PI4K2B: variants seen among roughly 807,000 people sequenced by gnomAD.
PI4K2B encodes phosphatidylinositol 4-kinase type 2-beta.
In PI4K2B, 46 loss-of-function variants were observed where a neutral mutation model predicts 56.6. The observed-to-expected ratio is 0.81, with a 90% CI of 0.64 to 1.04. The LOEUF is 1.04. PI4K2B is among the 50% of genes least tolerant of loss of function. The pLI, the probability that PI4K2B is intolerant of heterozygous loss-of-function variation, is 0.00. For missense variants in PI4K2B, 556 were observed against 607.7 expected (o/e 0.91, Z 0.89); for synonymous variants, 211 against 223.8 (o/e 0.94, Z 0.51).
chr4:25,234,121 C>T lies in PI4K2B; in HGVS notation c.-43C>T. On this transcript the variant is annotated 5_prime_UTR_variant, in exon 1 of 10. Transcript: ENST00000264864. ...GCAGAGCCCAGTCTCTGGCACCTGG[C>T]TGCTCTGATCTGGTCTCAGCGCGGA... The T allele has an allele frequency of 7.9e-7, 1 of 1,269,346 alleles. No homozygotes were observed. The highest frequency in any genetic ancestry group is 1.0e-6 in the Non-Finnish European group (1 of 1,003,850). The allele number at this position is 1,269,346 out of a possible 1,614,324, so 78.6% of individuals were successfully genotyped here.
intron 1 of PI4K2B, chr4:25,250,404 A>G (rs1716004218): frequency 6.6e-6 from 1 of 152,296 alleles, no homozygotes; most frequent in Non-Finnish European, 1.5e-5. Context: ...ATGAGAACAC[A>G]CAGACACATA....
chr4:25,254,883 T>C (rs536949681), intron 2 of PI4K2B, among the ~76,000 whole-genome samples, 182 bp from the exon 3 acceptor site: 2 of 152,270 alleles, frequency 1.3e-5, no homozygotes, highest in South Asian at 2.1e-4. Flanking sequence ...AGAATGAATA[T>C]GAAAATGTGA....
chr4:25,235,934 G>A (rs1439811861), intron 1 of PI4K2B, among the ~76,000 whole-genome samples: 1 of 151,960 alleles, frequency 6.6e-6, no homozygotes, highest in Non-Finnish European at 1.5e-5. Flanking sequence ...CAGGAGAATA[G>A]CTTGAGGCTG....
At chr4:25,268,808 C>T (rs1716759332) in intron 8 of PI4K2B, among the ~76,000 whole-genome samples, 1 of 152,088 alleles carries the variant, frequency 6.6e-6, no homozygotes, top group South Asian at 2.1e-4. Context: ...TTGCTGTTTT[C>T]TTCAAAAGTT....
At chr4:25,238,070 G>C (rs940610555) in intron 1 of PI4K2B, among the ~76,000 whole-genome samples, 2 of 152,130 alleles carry the variant, frequency 1.3e-5, no homozygotes, top group Non-Finnish European at 2.9e-5. Context: ...ATTCATGGTG[G>C]TTTATAAATA....
chr4:25,248,995 T>C lies in PI4K2B; in HGVS notation c.269-3326T>C, dbSNP rs182797679. ...TGTTTGTGTCTCTGGGTACTTGAGA[T>C]TAGGGAGTGGTGATGACTCTTAACG... On this transcript the variant is annotated intron_variant, in intron 1 of 9. Coordinates refer to ENST00000264864, the MANE Select transcript of PI4K2B (RefSeq NM_018323.4). 3.0e-4 allele frequency among the ~76,000 whole-genome samples: 45 copies of C among 152,202 alleles called. No homozygotes were observed. In the East Asian group the frequency reaches 7.0e-3, roughly 24 times the overall value.
At chr4:25,268,712 T>C in intron 8 of PI4K2B, 136 bp downstream of exon 8, 1 of 595,308 alleles carries the variant, frequency 1.7e-6, no homozygotes, top group Non-Finnish European at 2.8e-6. Context: ...AGAGAGGAAT[T>C]AGCAGTTTTA....
At chr4:25,245,504 A>G (rs1715725872) in intron 1 of PI4K2B, among the ~76,000 whole-genome samples, 1 of 152,152 alleles carries the variant, frequency 6.6e-6, no homozygotes, top group Non-Finnish European at 1.5e-5. Flanking sequence ...CCCTCGGCTC[A>G]GCCCAAAAGT....
At chr4:25,263,609 G>A (rs1716558497) in intron 6 of PI4K2B, 141 bp from the exon 7 acceptor site, 1 of 443,398 alleles carries the variant, frequency 2.3e-6, no homozygotes, top group South Asian at 5.5e-5. Context: ...GTGTGAATTT[G>A]TACTTTTTCT....
chr4:25,258,230 G>A (rs2109016687), intron 4 of PI4K2B, among the ~76,000 whole-genome samples: 1 of 38,290 alleles, frequency 2.6e-5, no homozygotes, highest in South Asian at 5.9e-4. Flanking sequence ...TTTTTTTTGA[G>A]ACAGTCTCGC....
At chr4:25,261,127 A>G (rs34789409) in intron 6 of PI4K2B, among the ~76,000 whole-genome samples, 5,645 of 151,954 alleles carry the variant, frequency 0.037, 259 homozygotes, top group East Asian at 0.16. Context: ...GAATCCCCAT[A>G]TTTTGCTTTT....
chr4:25,235,682 G>T (rs13129976), intron 1 of PI4K2B, among the ~76,000 whole-genome samples: 6,435 of 152,244 alleles, frequency 0.042, 192 homozygotes, highest in East Asian at 0.15. Context: ...GGCAATTTGG[G>T]TATATGTTAC....
intron 4 of PI4K2B, among the ~76,000 whole-genome samples, chr4:25,258,233 A>T (rs1461418669): frequency 2.5e-5 from 1 of 39,738 alleles, no homozygotes; most frequent in Non-Finnish European, 8.7e-5. Flanking sequence ...TTTTTGAGAC[A>T]GTCTCGCTGT....
chr4:25,246,955 T>C (rs1270348659), intron 1 of PI4K2B, among the ~76,000 whole-genome samples: 2 of 152,238 alleles, frequency 1.3e-5, no homozygotes, highest in African/African-American at 4.8e-5. Context: ...TGCGCTGGCC[T>C]GCAAGCGCCG....
chr4:25,235,776 A>G (rs1715236422), intron 1 of PI4K2B, among the ~76,000 whole-genome samples: 1 of 152,146 alleles, frequency 6.6e-6, no homozygotes, highest in African/African-American at 2.4e-5. Context: ...TGGGTTTTTA[A>G]AAGAGCCTAA....
intron 9 of PI4K2B, among the ~76,000 whole-genome samples, chr4:25,272,837 T>C (rs938915007): frequency 1.2e-4 from 18 of 151,856 alleles, no homozygotes; most frequent in Admixed American, 6.6e-5. Context: ...CACTCCAGCC[T>C]GGGCAACAGA....
Position 25,241,213 on chromosome 4 carries a change from T to C in PI4K2B, c.268+6782T>C, listed in dbSNP as rs529176898. Among the ~76,000 whole-genome samples the C allele has an allele frequency of 2.0e-5, 3 of 152,374 alleles. No homozygotes were observed. In the South Asian group the frequency reaches 6.2e-4, roughly 32 times the overall value. On this transcript the variant is annotated intron_variant, in intron 1 of 9. Coordinates refer to ENST00000264864, the MANE Select transcript of PI4K2B (RefSeq NM_018323.4). ...TGTATACACATTTATTCTTTTTCCC[T>C]TTCCCAGTTCTAAGGCTCTGGTAAG... is the stretch of plus-strand genomic sequence containing the variant.
chr4:25,259,291 G>A (rs1363525805), intron 5 of PI4K2B, 101 bp downstream of exon 5: 2 of 776,560 alleles, frequency 2.6e-6, no homozygotes, highest in African/African-American at 1.7e-5. Context: ...CAGAAGTCTT[G>A]AAGCCACTTT....
At chr4:25,256,849 A>G (rs191879547) in intron 4 of PI4K2B, among the ~76,000 whole-genome samples, 175 bp downstream of exon 4, 19 of 151,726 alleles carry the variant, frequency 1.3e-4, no homozygotes, top group African/African-American at 4.3e-4. Flanking sequence ...AGATGACGGT[A>G]AGTTCAGGGA....
Sources: gnomAD v4.1 joint callset for allele counts (sites outside exome capture counted in the v4.1 genomes callset) on GRCh38, gnomAD v4.1.1 for gene constraint, MANE v1.5 for transcripts, NCBI Gene and HGNC (gene_info 2026-07-23, HGNC 2026-07-21) for gene names.